Variants in IGF2BP2 observed in about 807,000 individuals in gnomAD.
IGF2BP2 encodes insulin like growth factor 2 mRNA binding protein 2.
In IGF2BP2, 17 loss-of-function variants were observed where a neutral mutation model predicts 75.8. The ratio of observed to expected loss-of-function variants is 0.22; its 90% CI spans 0.15 to 0.34. The LOEUF (loss-of-function observed/expected upper bound fraction) is 0.34, where lower values mean the gene tolerates loss of function less well. Ranked by LOEUF, IGF2BP2 falls within the 10% of genes least tolerant of loss-of-function variation. IGF2BP2 has a pLI of 1.00. For missense variants in IGF2BP2, 516 were observed against 772.4 expected, an observed-to-expected ratio of 0.67 and a Z score of 3.93; for synonymous variants, 288 against 295.6, an observed-to-expected ratio of 0.97 and a Z score of 0.26.
chr3:185,659,541 A>T (rs1361003500), intron 10 of IGF2BP2, among the ~76,000 whole-genome samples: 1 of 151,144 alleles, frequency 6.6e-6, no homozygotes, highest in African/African-American at 2.4e-5. Context: ...CGCCTGGTTA[A>T]TTTTTTGTAT....
intron 2 of IGF2BP2, among the ~76,000 whole-genome samples, chr3:185,701,843 C>T (rs1723353592): frequency 6.6e-6 from 1 of 152,194 alleles, no homozygotes; most frequent in African/African-American, 2.4e-5. Flanking sequence ...ATTTGGGAGA[C>T]TATCCTGAGG....
intron 1 of IGF2BP2, among the ~76,000 whole-genome samples, chr3:185,823,716 G>C (rs1409008488): frequency 6.6e-6 from 1 of 151,830 alleles, no homozygotes. Flanking sequence ...TGTCACCTTG[G>C]CCTCGCCGCC....
At chr3:185,804,410 C>A (rs958011319) in intron 2 of IGF2BP2, among the ~76,000 whole-genome samples, 1 of 149,726 alleles carries the variant, frequency 6.7e-6, no homozygotes, top group Non-Finnish European at 1.5e-5. Flanking sequence ...CCAGCCTAGG[C>A]GACAAGAGCG....
At position 185,813,757 on chromosome 3, in the gene IGF2BP2, T is replaced by C. The variant is rs373721796; in HGVS notation, c.239+9396A>G. Among the ~76,000 whole-genome samples the C allele has an allele frequency of 1.2e-4, 18 of 152,224 alleles. 1 individual carries two copies. Among genetic ancestry groups the C allele is most frequent in the East Asian group, 1.2e-3 (6 of 5,170 alleles). On this transcript the variant is annotated intron_variant, in intron 2 of 15. Transcript: ENST00000382199. Reference sequence around the variant, plus strand: ...CACAGAACCCATACATTCCAACACATTGAGCAAGCACACACATGCCTCCCC... The same window carrying C: ...CACAGAACCCATACATTCCAACACACTGAGCAAGCACACACATGCCTCCCC...
chr3:185,724,203 C>G (rs903554487), intron 2 of IGF2BP2, among the ~76,000 whole-genome samples: 1 of 152,206 alleles, frequency 6.6e-6, no homozygotes, highest in African/African-American at 2.4e-5. Context: ...GAGGCAGACA[C>G]AGTCACTGAG....
rs1337082312 is a variant in IGF2BP2 at position 185,645,873 on chromosome 3, G to C, written c.1708-250C>G. ...GGACTCCGGCAGCTTCCAGTTCACT[G>C]CTGGACGGACAGGCCAGGAAGCAGA... On this transcript the variant is annotated intron_variant, in intron 15 of 15. Coordinates refer to ENST00000382199, the MANE Select transcript of IGF2BP2 (RefSeq NM_006548.6). The surrounding 1 kb of genome is among the most constrained non-coding windows in gnomAD (Gnocchi z 4.9). Among the ~76,000 whole-genome samples the C allele has an allele frequency of 6.6e-6, 1 of 152,124 alleles. No homozygotes were observed. The highest frequency in any genetic ancestry group is 1.5e-5 in the Non-Finnish European group (1 of 68,024).
intron 2 of IGF2BP2, among the ~76,000 whole-genome samples, chr3:185,723,056 G>T (rs887695405): frequency 2.0e-5 from 3 of 152,124 alleles, no homozygotes; most frequent in Admixed American, 6.5e-5. Context: ...TTTCTCGTTG[G>T]CTAAGCTGGA....
At chr3:185,663,356 T>A (rs1716777288) in intron 10 of IGF2BP2, among the ~76,000 whole-genome samples, 1 of 152,244 alleles carries the variant, frequency 6.6e-6, no homozygotes, top group African/African-American at 2.4e-5. Flanking sequence ...ACCCACTAAC[T>A]GAGAGGCAGA....
intron 10 of IGF2BP2, among the ~76,000 whole-genome samples, chr3:185,664,001 T>C (rs1004790109): frequency 6.6e-6 from 1 of 152,220 alleles, no homozygotes; most frequent in Non-Finnish European, 1.5e-5. Flanking sequence ...GTGCTCCCTC[T>C]GGGCACCAGG....
intron 2 of IGF2BP2, among the ~76,000 whole-genome samples, chr3:185,805,949 A>G (rs1463167463): frequency 1.3e-5 from 2 of 150,758 alleles, no homozygotes; most frequent in South Asian, 2.1e-4. Flanking sequence ...TAATTTTTGT[A>G]TTTTTAGTAC....
rs148600164 is a variant in IGF2BP2, at chr3:185,779,535, C to T, written c.239+43618G>A. Among the ~76,000 whole-genome samples the T allele has an allele frequency of 5.1e-3, 784 of 152,258 alleles. 10 individuals are homozygous for T. The highest frequency in any genetic ancestry group is 0.02 in the Middle Eastern group (6 of 294). On this transcript the variant is annotated intron_variant, in intron 2 of 15. Coordinates refer to ENST00000382199, the MANE Select transcript of IGF2BP2 (RefSeq NM_006548.6). ...GCACACACACCCATAAAATAACTTC[C>T]ACACAATGCTAAAAAATGAACTGGA...
intron 2 of IGF2BP2, among the ~76,000 whole-genome samples, chr3:185,791,649 C>T (rs531042117): frequency 1.3e-5 from 2 of 152,122 alleles, no homozygotes; most frequent in Non-Finnish European, 2.9e-5. Flanking sequence ...TTTCACAGGG[C>T]CTATCTGCTC....
At chr3:185,713,099 T>C (rs987076401) in intron 2 of IGF2BP2, among the ~76,000 whole-genome samples, 47 of 151,088 alleles carry the variant, frequency 3.1e-4, no homozygotes, top group East Asian at 3.9e-4. Flanking sequence ...TGTGTGTGTG[T>C]GTGCAAGAGA....
chr3:185,798,132 T>C (rs1306059212), intron 2 of IGF2BP2, among the ~76,000 whole-genome samples: 1 of 151,862 alleles, frequency 6.6e-6, no homozygotes, highest in East Asian at 1.9e-4. Flanking sequence ...ACCCAGGACA[T>C]GGATGTTGCA....
chr3:185,718,805 G>C lies in IGF2BP2; in HGVS notation c.240-20458C>G, dbSNP rs573987845. On this transcript the variant is annotated intron_variant, in intron 2 of 15. Transcript: ENST00000382199. ...AAGAGCAAAGCCACGATCAAAACCT[G>C]AGAAACTGAGAGGATGAACACAGCG... 5.3e-5 allele frequency among the ~76,000 whole-genome samples: 8 copies of C among 152,072 alleles called. No homozygotes were observed. The South Asian group carries it at 1.2e-3, about 24-fold the overall frequency.
At chr3:185,806,394 T>C (rs970098779) in intron 2 of IGF2BP2, among the ~76,000 whole-genome samples, 2 of 152,194 alleles carry the variant, frequency 1.3e-5, no homozygotes, top group African/African-American at 4.8e-5. Context: ...CATCTATCTA[T>C]CCTAAAGAGT....
At chr3:185,747,699 A>G (rs1265492866) in intron 2 of IGF2BP2, among the ~76,000 whole-genome samples, 1 of 151,876 alleles carries the variant, frequency 6.6e-6, no homozygotes, top group Admixed American at 6.6e-5. Flanking sequence ...AAATAAATAA[A>G]ATAGTCCATA....
intron 2 of IGF2BP2, among the ~76,000 whole-genome samples, chr3:185,742,326 T>C (rs945873639): frequency 6.6e-6 from 1 of 151,982 alleles, no homozygotes; most frequent in Non-Finnish European, 1.5e-5. Flanking sequence ...AAACCCCATC[T>C]CTACTAAAAA....
chr3:185,656,431 C>T (rs1471647364), intron 12 of IGF2BP2, among the ~76,000 whole-genome samples: 1 of 152,262 alleles, frequency 6.6e-6, no homozygotes, highest in Non-Finnish European at 1.5e-5. Flanking sequence ...TGTTTTTCCT[C>T]TAGCACACTT....
Sources: allele counts gnomAD v4.1 joint callset (sites outside exome capture counted in the v4.1 genomes callset), GRCh38; gene constraint gnomAD v4.1.1; non-coding constraint Gnocchi (gnomAD v3.1); transcripts MANE v1.5; gene names NCBI Gene and HGNC (gene_info 2026-07-23, HGNC 2026-07-21).